SOCS5: variants seen among roughly 807,000 people sequenced by gnomAD.
SOCS5 encodes the protein suppressor of cytokine signaling 5.
A neutral mutation model predicts 42.8 loss-of-function variants in SOCS5; 32 were observed. That is an observed-to-expected ratio of 0.75 (90% CI 0.56 to 1.01). The LOEUF (loss-of-function observed/expected upper bound fraction) is 1.01. SOCS5 is among the 50% of genes least tolerant of loss of function. The pLI, the probability that SOCS5 is intolerant of heterozygous loss-of-function variation, is 0.00. For synonymous variants in SOCS5, 283 were observed against 229.6 expected (o/e 1.23, Z -2.10); for missense variants, 627 against 653.0 (o/e 0.96, Z 0.43).
At chr2:46,750,773 G>T (rs1673605100) in intron 1 of SOCS5, among the ~76,000 whole-genome samples, 2 of 152,080 alleles carry the variant, frequency 1.3e-5, no homozygotes, top group South Asian at 2.1e-4. Context: ...AGATTCTTTT[G>T]GTCAGAGTAT....
intron 1 of SOCS5, among the ~76,000 whole-genome samples, chr2:46,735,958 A>G (rs1031724465): frequency 7.9e-5 from 12 of 152,240 alleles, no homozygotes; most frequent in Admixed American, 7.2e-4. Flanking sequence ...AAAATATACA[A>G]AACATAAAAT....
chr2:46,755,752 A>C (rs1451664513), intron 1 of SOCS5, among the ~76,000 whole-genome samples: 1 of 152,212 alleles, frequency 6.6e-6, no homozygotes, highest in Admixed American at 6.5e-5. Context: ...AAAGGGTTTC[A>C]GCTCTATCTT....
chr2:46,705,779 G>T (rs1260515366), intron 1 of SOCS5, among the ~76,000 whole-genome samples: 2 of 152,148 alleles, frequency 1.3e-5, no homozygotes, highest in Non-Finnish European at 2.9e-5. Flanking sequence ...TTTTATAAAT[G>T]ATTTAAAAGA....
intron 1 of SOCS5, among the ~76,000 whole-genome samples, chr2:46,731,352 C>T (rs1438188353): frequency 6.6e-6 from 1 of 152,168 alleles, no homozygotes; most frequent in Non-Finnish European, 1.5e-5. Context: ...CAGGTCCTCA[C>T]CAGACACCAA....
chr2:46,726,425 C>T (rs1444532794), intron 1 of SOCS5, among the ~76,000 whole-genome samples: 1 of 152,114 alleles, frequency 6.6e-6, no homozygotes, highest in Non-Finnish European at 1.5e-5. Flanking sequence ...CTTGGTTTCT[C>T]TGTGCTTCTA....
At chr2:46,737,923 A>G (rs891810537) in intron 1 of SOCS5, among the ~76,000 whole-genome samples, 3 of 152,220 alleles carry the variant, frequency 2.0e-5, no homozygotes, top group Admixed American at 6.5e-5. Context: ...TTAAGAAGCA[A>G]TATAAGACCA....
At position 46,759,825 on chromosome 2, in the gene SOCS5, A is replaced by C; in HGVS notation, c.1295A>C (p.Gln432Pro). The stretch of plus-strand genomic sequence containing the variant: ...AGATCCCTGCATGCCCGAATTGAGC[A>C]GTGGAATCACAACTTTAGTTTCGAC... ...YNRSLHARIE[Q>P]WNHNFSFDAH... Residue 432 changes from glutamine (Q) to proline (P), a missense_variant, in exon 2 of 2, where the codon CAG becomes CCG. By Grantham distance (76) the Gln-to-Pro change is moderately conservative. Around this residue, in one of 3 missense-constraint regions of SOCS5, gnomAD observed 340 missense variants for 367.6 expected, o/e 0.92. Transcript: ENST00000394861. 1 of 1,614,192 alleles carries C rather than the reference A, an allele frequency of 6.2e-7. No homozygotes were observed. The highest frequency in any genetic ancestry group is 1.1e-5 in the South Asian group (1 of 91,084).
At chr2:46,736,030 C>G (rs1673237070) in intron 1 of SOCS5, among the ~76,000 whole-genome samples, 1 of 150,902 alleles carries the variant, frequency 6.6e-6, no homozygotes, top group African/African-American at 2.4e-5. Context: ...CCTTCTGTAC[C>G]TCTCTTTCCC....
chr2:46,729,091 C>G (rs1222592361), intron 1 of SOCS5, among the ~76,000 whole-genome samples: 1 of 152,230 alleles, frequency 6.6e-6, no homozygotes, highest in African/African-American at 2.4e-5. Flanking sequence ...AACCATTTAT[C>G]TGTGCTGTAT....
chr2:46,707,651 GAAGT>G (rs1199306211), intron 1 of SOCS5, among the ~76,000 whole-genome samples: 1 of 152,204 alleles, frequency 6.6e-6, no homozygotes, highest in East Asian at 1.9e-4. Flanking sequence ...TTATAGATGG[GAAGT>G]AACACAAACA....
chr2:46,757,097 G>A (rs1673748161), intron 1 of SOCS5, among the ~76,000 whole-genome samples: 1 of 152,184 alleles, frequency 6.6e-6, no homozygotes, highest in Admixed American at 6.5e-5. Flanking sequence ...AATTTTCTGT[G>A]TTGTGTTTCC....
intron 1 of SOCS5, among the ~76,000 whole-genome samples, chr2:46,740,106 A>C (rs747623848): frequency 1.3e-5 from 2 of 152,222 alleles, no homozygotes; most frequent in Non-Finnish European, 2.9e-5. Context: ...TCACTGAGTA[A>C]TTTCAGTGCC....
intron 1 of SOCS5, among the ~76,000 whole-genome samples, chr2:46,725,648 C>A (rs2103718640): frequency 6.6e-6 from 1 of 152,200 alleles, no homozygotes; most frequent in African/African-American, 2.4e-5. Flanking sequence ...CTGCTTTGAA[C>A]CCAATGGGTA....
At chr2:46,722,418 G>A (rs576665466) in intron 1 of SOCS5, among the ~76,000 whole-genome samples, 1 of 152,264 alleles carries the variant, frequency 6.6e-6, no homozygotes, top group South Asian at 2.1e-4. Context: ...ATGTAGGCCA[G>A]TAGGTTAGAT....
In SOCS5 at chr2:46,761,651, G is replaced by A. The variant is rs184073268; in HGVS notation, c.*1510G>A. 2.4e-5 allele frequency: 4 copies of A among 166,850 alleles called. No individual in the cohort carries two copies. The highest frequency in any genetic ancestry group is 5.9e-5 in the Non-Finnish European group (4 of 68,070). 10.3% of individuals were successfully genotyped at this position (166,850 alleles called of 1,614,324 possible). A position where few individuals can be genotyped will look rare whatever the true frequency, so the allele number is the denominator to read the frequency against. On this transcript the variant is annotated 3_prime_UTR_variant, in exon 2 of 2. Transcript: ENST00000394861. ...TTATACATTTGCAACAATTTCTCTT[G>A]TAAATGGAATGGTTTGGGGTTTTTA...
chr2:46,719,555 T>C (rs1158602219), intron 1 of SOCS5, among the ~76,000 whole-genome samples: 2 of 152,226 alleles, frequency 1.3e-5, no homozygotes, highest in East Asian at 1.9e-4. Context: ...GATGTCCTTA[T>C]GTTAAAGAAA....
intron 1 of SOCS5, among the ~76,000 whole-genome samples, chr2:46,727,195 C>A (rs1214869528): frequency 7.8e-6 from 1 of 128,058 alleles, no homozygotes; most frequent in African/African-American, 3.1e-5. Context: ...GTAGCCCAGG[C>A]TGGAGTGCAG....
intron 1 of SOCS5, among the ~76,000 whole-genome samples, chr2:46,731,127 G>A (rs143366571): frequency 3.3e-4 from 51 of 152,316 alleles, no homozygotes; most frequent in African/African-American, 1.2e-3. Context: ...GGCTGCTGTA[G>A]ACTGAATGTT....
At chr2:46,736,006 C>CT (rs1420087383) in intron 1 of SOCS5, among the ~76,000 whole-genome samples, 1 of 151,082 alleles carries the variant, frequency 6.6e-6, no homozygotes, top group Non-Finnish European at 1.5e-5. Context: ...CCCCATTCCC[C>CT]TTCCCTTCCC....
Sources: allele counts gnomAD v4.1 joint callset (sites outside exome capture counted in the v4.1 genomes callset), GRCh38; gene constraint gnomAD v4.1.1; regional missense constraint gnomAD v4.1.1; transcripts MANE v1.5; gene names NCBI Gene and HGNC (gene_info 2026-07-23, HGNC 2026-07-21).